The following MAGI1 variants were observed in gnomAD, a reference collection of about 807,000 sequenced individuals.
MAGI1 encodes the protein membrane-associated guanylate kinase, WW and PDZ domain-containing protein 1.
A neutral mutation model predicts 139.9 loss-of-function variants in MAGI1; 58 were observed. The ratio of observed to expected loss-of-function variants is 0.41; its 90% confidence interval spans 0.34 to 0.52. The LOEUF (loss-of-function observed/expected upper bound fraction) is 0.52, where lower values mean the gene tolerates loss of function less well. Ranked by LOEUF, MAGI1 falls within the 20% of genes least tolerant of loss-of-function variation. The pLI is 0.12. For missense variants in MAGI1, 1,874 were observed against 1,901.6 expected, an observed-to-expected ratio of 0.99 and a Z score of 0.27; for synonymous variants, 812 against 737.9, an observed-to-expected ratio of 1.10 and a Z score of -1.63.
At chr3:65,676,899 CA>C (rs1398499736) in intron 1 of MAGI1, among the ~76,000 whole-genome samples, 1 of 152,204 alleles carries the variant, frequency 6.6e-6, no homozygotes, top group African/African-American at 2.4e-5. Context: ...TCCCCACATA[CA>C]AACATACCAG....
At chr3:65,612,427 C>T (rs926984933) in intron 2 of MAGI1, among the ~76,000 whole-genome samples, 17 of 152,010 alleles carry the variant, frequency 1.1e-4, no homozygotes, top group African/African-American at 3.9e-4. Context: ...CATCATTCAC[C>T]ATGGCCATTT....
intron 2 of MAGI1, among the ~76,000 whole-genome samples, chr3:65,499,747 C>T (rs62255282): frequency 0.11 from 16,393 of 152,074 alleles, 1,161 homozygotes; most frequent in Middle Eastern, 0.15. Context: ...CATTGAAAAA[C>T]AGAATATGGC....
At chr3:65,810,329 AGT>A (rs970950449) in intron 1 of MAGI1, among the ~76,000 whole-genome samples, 1 of 152,238 alleles carries the variant, frequency 6.6e-6, no homozygotes, top group African/African-American at 2.4e-5. Context: ...TCTTTTATCC[AGT>A]CTCTATCCCA....
At chr3:65,954,260 T>C (rs2064004516) in intron 1 of MAGI1, among the ~76,000 whole-genome samples, 1 of 152,204 alleles carries the variant, frequency 6.6e-6, no homozygotes, top group African/African-American at 2.4e-5. Context: ...TTTGCACTTC[T>C]GTTTCTAAAA....
intron 8 of MAGI1, among the ~76,000 whole-genome samples, chr3:65,440,695 G>A (rs559252591): frequency 6.6e-6 from 1 of 152,232 alleles, no homozygotes; most frequent in East Asian, 1.9e-4. Flanking sequence ...GCCTTAGGCA[G>A]AGAGAATCCA....
chr3:65,422,377 T>G (rs1398810665), intron 12 of MAGI1, among the ~76,000 whole-genome samples: 1 of 152,138 alleles, frequency 6.6e-6, no homozygotes, highest in Non-Finnish European at 1.5e-5. Context: ...GGGCAGCCTG[T>G]GAACAGAGCA....
At chr3:65,539,706 T>A (rs1264995418) in intron 2 of MAGI1, among the ~76,000 whole-genome samples, 1 of 152,174 alleles carries the variant, frequency 6.6e-6, no homozygotes, top group Non-Finnish European at 1.5e-5. Flanking sequence ...GTGGCAACTA[T>A]TTAGCATATG....
At chr3:65,776,454 A>G (rs2038440481) in intron 1 of MAGI1, among the ~76,000 whole-genome samples, 1 of 152,188 alleles carries the variant, frequency 6.6e-6, no homozygotes, top group South Asian at 2.1e-4. Flanking sequence ...TTATTTAAAC[A>G]CATAATAAAA....
intron 1 of MAGI1, among the ~76,000 whole-genome samples, chr3:66,011,885 TAA>T (rs2067339146): frequency 6.7e-6 from 1 of 150,062 alleles, no homozygotes; most frequent in Admixed American, 6.6e-5. Context: ...TATGGCCAGG[TAA>T]TAGTATTAAG....
intron 1 of MAGI1, among the ~76,000 whole-genome samples, chr3:65,922,007 GAAT>G (rs1020391451): frequency 1.1e-4 from 17 of 151,190 alleles, no homozygotes; most frequent in Non-Finnish European, 1.9e-4. Flanking sequence ...TATGAAAAAC[GAAT>G]AATAATAATT....
At chr3:66,002,578 C>G (rs1042571617) in intron 1 of MAGI1, among the ~76,000 whole-genome samples, 1 of 152,096 alleles carries the variant, frequency 6.6e-6, no homozygotes, top group African/African-American at 2.4e-5. Context: ...TACAGTGGCG[C>G]GATCTCGACT....
chr3:65,671,214 C>T (rs1366426503), intron 1 of MAGI1, among the ~76,000 whole-genome samples: 1 of 152,134 alleles, frequency 6.6e-6, no homozygotes, highest in East Asian at 1.9e-4. Flanking sequence ...AAAATTTGAA[C>T]CGGGATTTGG....
At chr3:65,701,823 A>T (rs574978380) in intron 1 of MAGI1, among the ~76,000 whole-genome samples, 1 of 152,328 alleles carries the variant, frequency 6.6e-6, no homozygotes, top group South Asian at 2.1e-4. Flanking sequence ...AGCCAATATG[A>T]GCAAAAGAAT....
In MAGI1 at chr3:65,379,498, G is replaced by T. The variant is rs768067706; in HGVS notation, c.2758C>A (p.Gln920Lys). ...SPASSHHSSN[Q>K]PASLTEEKRT... is the part of the protein sequence containing the mutation. The stretch of plus-strand genomic sequence containing the variant: ...TTCTCTTCTGTCAGCGAGGCCGGCT[G>T]GTTGCTACTGTGATGAGAGGAGGCT... The change falls in exon 17 of 23, where the codon CAG (glutamine) becomes AAG (lysine). Residue 920 changes from glutamine to lysine, a missense_variant. Transcript: ENST00000402939. 8.7e-6 allele frequency: 14 copies of T among 1,613,786 alleles called. No individual in the cohort carries two copies. Among genetic ancestry groups the T allele is most frequent in the Non-Finnish European group, 1.0e-5 (12 of 1,179,856 alleles).
At chr3:65,570,678 G>A (rs2080914928) in intron 2 of MAGI1, among the ~76,000 whole-genome samples, 1 of 152,174 alleles carries the variant, frequency 6.6e-6, no homozygotes, top group South Asian at 2.1e-4. Flanking sequence ...AAATAAGATT[G>A]GCTAAAAGTT....
chr3:65,767,527 T>G, intron 1 of MAGI1, among the ~76,000 whole-genome samples: 1 of 152,188 alleles, frequency 6.6e-6, no homozygotes, highest in Non-Finnish European at 1.5e-5. Flanking sequence ...TCATCCTAAA[T>G]TGGAGAATAG....
At chr3:65,655,596 CA>C (rs2085829791) in intron 1 of MAGI1, among the ~76,000 whole-genome samples, 1 of 152,166 alleles carries the variant, frequency 6.6e-6, no homozygotes, top group African/African-American at 2.4e-5. Flanking sequence ...ATGATAAGTA[CA>C]ATTTATTGCC....
intron 1 of MAGI1, among the ~76,000 whole-genome samples, chr3:65,985,742 G>A (rs891639667): frequency 6.6e-6 from 1 of 152,218 alleles, no homozygotes; most frequent in Non-Finnish European, 1.5e-5. Flanking sequence ...AGAGCAAGGA[G>A]AGGGGGTGGT....
chr3:65,453,472 C>G, intron 5 of MAGI1, 132 bp from the exon 6 acceptor site: 1 of 679,160 alleles, frequency 1.5e-6, no homozygotes, highest in South Asian at 1.9e-5. Flanking sequence ...AACAGCAAAT[C>G]CAAACCAGAA....
Sources: gnomAD v4.1 joint callset for allele counts (sites outside exome capture counted in the v4.1 genomes callset) on GRCh38, gnomAD v4.1.1 for gene constraint, MANE v1.5 for transcripts, NCBI Gene and HGNC (gene_info 2026-07-23, HGNC 2026-07-21) for gene names.